The following ADCY2 variants were observed in gnomAD, a reference collection of about 807,000 sequenced individuals.
ADCY2 encodes adenylate cyclase type 2.
A neutral mutation model predicts 125.2 loss-of-function variants in ADCY2; 31 were observed. The observed-to-expected ratio is 0.25, with a 90% CI of 0.19 to 0.33. The LOEUF is 0.33. ADCY2 is among the 10% of genes least tolerant of loss of function. ADCY2 has a pLI of 1.00. For missense variants in ADCY2, 904 were observed against 1,418.2 expected, an observed-to-expected ratio of 0.64 and a Z score of 5.82; for synonymous variants, 512 against 548.4, an observed-to-expected ratio of 0.93 and a Z score of 0.93.
chr5:7,730,071 A>G (rs1742054961), intron 14 of ADCY2, among the ~76,000 whole-genome samples: 1 of 152,070 alleles, frequency 6.6e-6, no homozygotes, highest in South Asian at 2.1e-4. Flanking sequence ...AGTCCATTGT[A>G]TCACTCTGTG....
chr5:7,584,785 C>G (rs935807764), intron 3 of ADCY2, among the ~76,000 whole-genome samples: 4 of 152,042 alleles, frequency 2.6e-5, no homozygotes, highest in Non-Finnish European at 5.9e-5. Context: ...CAAATATATA[C>G]AATACTTACA....
chr5:7,704,878 CAA>C (rs71591741), intron 7 of ADCY2, among the ~76,000 whole-genome samples: 1,272 of 91,068 alleles, frequency 0.014, 14 homozygotes, highest in African/African-American at 0.048. Flanking sequence ...ACTCCATCTC[CAA>C]AAAAAAAAAA....
intron 2 of ADCY2, among the ~76,000 whole-genome samples, chr5:7,454,433 T>C (rs939917699): frequency 2.6e-5 from 4 of 152,220 alleles, no homozygotes; most frequent in African/African-American, 9.6e-5. Context: ...TAGTGATGTA[T>C]GCGTCTATTT....
At chr5:7,755,077 C>G (rs1275911793) in intron 15 of ADCY2, among the ~76,000 whole-genome samples, 2 of 152,164 alleles carry the variant, frequency 1.3e-5, no homozygotes, top group Non-Finnish European at 1.5e-5. Context: ...TGACAGATTT[C>G]CTGCCATCAC....
At chr5:7,735,952 CTT>C (rs1039285082) in intron 14 of ADCY2, among the ~76,000 whole-genome samples, 26 of 152,296 alleles carry the variant, frequency 1.7e-4, no homozygotes, top group African/African-American at 6.0e-4. Context: ...AATCCCAGCA[CTT>C]TGAGAGGCAG....
At chr5:7,508,721 G>A (rs984848634) in intron 2 of ADCY2, among the ~76,000 whole-genome samples, 3 of 152,200 alleles carry the variant, frequency 2.0e-5, no homozygotes, top group African/African-American at 7.2e-5. Context: ...GGTGAGGAAG[G>A]AGAAGGAACT....
intron 2 of ADCY2, among the ~76,000 whole-genome samples, chr5:7,444,397 G>A (rs1433006417): frequency 6.6e-6 from 1 of 151,982 alleles, no homozygotes; most frequent in African/African-American, 2.4e-5. Flanking sequence ...TTACAGGTGT[G>A]AGCCACCGCG....
chr5:7,568,055 TG>T, intron 3 of ADCY2, among the ~76,000 whole-genome samples: 1 of 152,278 alleles, frequency 6.6e-6, no homozygotes, highest in Non-Finnish European at 1.5e-5. Flanking sequence ...AACAACATTC[TG>T]GGTTTTGTTT....
chr5:7,437,046 G>T (rs988267490), intron 2 of ADCY2, among the ~76,000 whole-genome samples: 2 of 152,178 alleles, frequency 1.3e-5, no homozygotes, highest in African/African-American at 4.8e-5. Flanking sequence ...GCTCTGCTTT[G>T]TAGGCACCAG....
At chr5:7,732,945 C>T (rs1742148498) in intron 14 of ADCY2, among the ~76,000 whole-genome samples, 1 of 152,212 alleles carries the variant, frequency 6.6e-6, no homozygotes, top group Non-Finnish European at 1.5e-5. Context: ...GCTGCTCTCT[C>T]ACTCTGTCTG....
chr5:7,600,335 C>T (rs1355174795), intron 3 of ADCY2, among the ~76,000 whole-genome samples: 2 of 152,102 alleles, frequency 1.3e-5, no homozygotes, highest in East Asian at 1.9e-4. Flanking sequence ...GAGAGGTTGT[C>T]CTTGAACAGG....
chr5:7,796,863 G>A (rs1744437346), intron 20 of ADCY2: 1 of 152,214 alleles, frequency 6.6e-6, no homozygotes, highest in South Asian at 2.1e-4. Flanking sequence ...CATCACTTGG[G>A]GAGAAGACTG....
intron 4 of ADCY2, among the ~76,000 whole-genome samples, chr5:7,663,429 C>T (rs193107566): frequency 4.6e-5 from 7 of 152,346 alleles, no homozygotes; most frequent in African/African-American, 9.6e-5. Flanking sequence ...GCACCTCCCA[C>T]GGGGGGGCCT....
intron 4 of ADCY2, among the ~76,000 whole-genome samples, chr5:7,673,368 G>A (rs1740008798): frequency 6.9e-6 from 1 of 145,230 alleles, no homozygotes. Flanking sequence ...GAGCTCGGAG[G>A]TGGAGGTTGC....
Position 7,575,204 on chromosome 5 carries a change from A to T in ADCY2, c.571-50963A>T, listed in dbSNP as rs188997682. The stretch of plus-strand genomic sequence containing the variant: ...AAATTAAAAAATAAAAAGGAGAAAA[A>T]TGTCTGCATTTTAATATAATCTTTG... On this transcript the variant is annotated intron_variant, in intron 3 of 24. Transcript: ENST00000338316. Among the ~76,000 whole-genome samples, 25 of 152,184 alleles carry T rather than the reference A, an allele frequency of 1.6e-4. No homozygotes were observed. The East Asian group carries it at 2.3e-3, about 14-fold the overall frequency.
chr5:7,688,271 G>GTT (rs1374684210), intron 4 of ADCY2, among the ~76,000 whole-genome samples: 3 of 83,290 alleles, frequency 3.6e-5, no homozygotes, highest in Non-Finnish European at 2.3e-5. Context: ...GATTTTTTTT[G>GTT]TTGTTTTTTT....
In ADCY2 at chr5:7,709,979, G is replaced by A. The variant is rs1305608641; in HGVS notation, c.1578+592G>A. 6.6e-6 allele frequency among the ~76,000 whole-genome samples: 1 copy of A among 152,192 alleles called. No individual in the cohort carries two copies. Among genetic ancestry groups the A allele is most frequent in the African/African-American group, 2.4e-5 (1 of 41,438 alleles). On this transcript the variant is annotated intron_variant, in intron 10 of 24. Coordinates refer to ENST00000338316, the MANE Select transcript of ADCY2 (RefSeq NM_020546.3). This position sits in a 1 kb window ranked among gnomAD's most constrained non-coding sequence, Gnocchi z 4.4. The stretch of plus-strand genomic sequence containing the variant: ...AAAAGTAAATACAACCAAGCACTTA[G>A]GATAATCCCCATAGTATTTTTAGAT...
intron 1 of ADCY2, among the ~76,000 whole-genome samples, chr5:7,409,146 G>A (rs1453447154): frequency 3.3e-5 from 5 of 152,074 alleles, no homozygotes; most frequent in African/African-American, 1.2e-4. Context: ...ACCAAATACC[G>A]CATACTCTCA....
In ADCY2 at chr5:7,621,438, CT is replaced by C. The variant is rs376557272; in HGVS notation, c.571-4728del. Reference sequence around the variant, plus strand: ...TCCTCAAAAACACCTTCCCCATCCCCTAGAGGGGGTTGTGTGTGTGGTGGAG... The same window carrying C: ...TCCTCAAAAACACCTTCCCCATCCCCAGAGGGGGTTGTGTGTGTGGTGGAG... On this transcript the variant is annotated intron_variant, in intron 3 of 24. Coordinates refer to ENST00000338316, the MANE Select transcript of ADCY2 (RefSeq NM_020546.3). Among the ~76,000 whole-genome samples, 490 of 152,342 alleles carry C rather than the reference CT, an allele frequency of 3.2e-3. 1 individual carries two copies. Among genetic ancestry groups the C allele is most frequent in the African/African-American group, 0.011 (472 of 41,588 alleles).
Sources: gnomAD v4.1 joint callset for allele counts (sites outside exome capture counted in the v4.1 genomes callset) on GRCh38, gnomAD v4.1.1 for gene constraint, Gnocchi (gnomAD v3.1) non-coding constraint, MANE v1.5 for transcripts, NCBI Gene and HGNC (gene_info 2026-07-23, HGNC 2026-07-21) for gene names.